Variants in KALRN observed in about 807,000 individuals in gnomAD.
The protein encoded by KALRN is kalirin RhoGEF kinase, also known as kalirin.
Under a neutral mutation model 353.7 loss-of-function variants are expected in KALRN, and 70 were observed. The observed-to-expected ratio is 0.20, with a 90% CI of 0.16 to 0.24. The LOEUF (loss-of-function observed/expected upper bound fraction) is 0.24. Among genes scored for constraint, KALRN ranks in the 10% least tolerant of loss-of-function variants. The pLI is 1.00. For synonymous variants in KALRN, 1,391 were observed against 1,434.8 expected (o/e 0.97, Z 0.69); for missense variants, 2,791 against 3,756.7 (o/e 0.74, Z 6.72).
At chr3:124,699,173 G>A (rs547958647) in intron 55 of KALRN, among the ~76,000 whole-genome samples, 1 of 152,172 alleles carries the variant, frequency 6.6e-6, no homozygotes, top group East Asian at 1.9e-4. Context: ...TCACTCTTGT[G>A]TCTCCCAGGT....
At chr3:124,590,885 A>C (rs756151076) in intron 34 of KALRN, among the ~76,000 whole-genome samples, 22 of 152,204 alleles carry the variant, frequency 1.4e-4, no homozygotes, top group Non-Finnish European at 2.8e-4. Flanking sequence ...GAGAAAATGG[A>C]GATCCAGCCT....
At chr3:124,523,635 G>A (rs2067341401) in intron 33 of KALRN, among the ~76,000 whole-genome samples, 1 of 152,218 alleles carries the variant, frequency 6.6e-6, no homozygotes, top group Non-Finnish European at 1.5e-5. Context: ...CAAAATGAGA[G>A]TAGATTTTGT....
intron 3 of KALRN, among the ~76,000 whole-genome samples, chr3:124,235,476 G>A (rs935968340): frequency 7.2e-6 from 1 of 138,686 alleles, no homozygotes; most frequent in African/African-American, 2.7e-5. Context: ...CACAAGGTGG[G>A]TGTGGGAGAC....
At chr3:124,692,882 G>A (rs935832266) in intron 51 of KALRN, among the ~76,000 whole-genome samples, 1 of 152,216 alleles carries the variant, frequency 6.6e-6, no homozygotes, top group Admixed American at 6.5e-5. Context: ...ATGCCAGGCT[G>A]TACAATCTGG....
chr3:124,365,307 G>C (rs1175752236), intron 10 of KALRN, among the ~76,000 whole-genome samples: 2 of 152,152 alleles, frequency 1.3e-5, no homozygotes, highest in Admixed American at 1.3e-4. Context: ...ACAAATCCCA[G>C]TCATGAGCAG....
intron 34 of KALRN, among the ~76,000 whole-genome samples, chr3:124,593,962 G>A (rs2076041158): frequency 1.3e-5 from 2 of 151,988 alleles, no homozygotes; most frequent in Non-Finnish European, 2.9e-5. Context: ...CAAAGTGTTG[G>A]CATTACAGGT....
At chr3:124,159,574 C>CTTT (rs10576641) in intron 1 of KALRN, among the ~76,000 whole-genome samples, 7 of 144,036 alleles carry the variant, frequency 4.9e-5, no homozygotes, top group African/African-American at 1.5e-4. Context: ...ACCTGGCTGG[C>CTTT]TTTTTTTTTT....
At chr3:124,623,389 T>TATATATAC (rs2079523433) in intron 34 of KALRN, among the ~76,000 whole-genome samples, 1 of 75,600 alleles carries the variant, frequency 1.3e-5, no homozygotes. Flanking sequence ...TATATATATA[T>TATATATAC]ATTTATTTAT....
intron 33 of KALRN, among the ~76,000 whole-genome samples, chr3:124,552,953 A>G (rs2070733924): frequency 6.6e-6 from 1 of 152,124 alleles, no homozygotes; most frequent in Non-Finnish European, 1.5e-5. Context: ...TTTGGTAGAG[A>G]CAGGGTTTCA....
intron 34 of KALRN, among the ~76,000 whole-genome samples, chr3:124,617,786 C>T (rs1434524980): frequency 2.0e-5 from 3 of 152,158 alleles, no homozygotes; most frequent in Non-Finnish European, 4.4e-5. Flanking sequence ...ATCTGGGGAC[C>T]ACAGTTTGAA....
chr3:124,048,674 G>A (rs1226519509), intron 1 of KALRN, among the ~76,000 whole-genome samples: 5 of 151,952 alleles, frequency 3.3e-5, no homozygotes, highest in Non-Finnish European at 1.5e-5. Context: ...TAGTAGAGAC[G>A]GGGTTTCACC....
chr3:124,514,959 G>C (rs1242051242), intron 33 of KALRN, among the ~76,000 whole-genome samples: 4 of 152,166 alleles, frequency 2.6e-5, no homozygotes, highest in African/African-American at 9.7e-5. Flanking sequence ...TGTTTATTCT[G>C]TCTTAGCCAT....
At chr3:124,625,892 C>T (rs2079893298) in intron 34 of KALRN, among the ~76,000 whole-genome samples, 1 of 152,100 alleles carries the variant, frequency 6.6e-6, no homozygotes. Flanking sequence ...ACCAGCCTGG[C>T]CAATGTGGTG....
At chr3:124,486,206 A>G (rs1313183043) in intron 28 of KALRN, among the ~76,000 whole-genome samples, 1 of 152,194 alleles carries the variant, frequency 6.6e-6, no homozygotes, top group African/African-American at 2.4e-5. Context: ...GGGAAAATTT[A>G]TTGGCCCAGC....
At chr3:124,121,984 G>C (rs2064081064) in intron 1 of KALRN, among the ~76,000 whole-genome samples, 1 of 152,190 alleles carries the variant, frequency 6.6e-6, no homozygotes, top group Non-Finnish European at 1.5e-5. Context: ...TCTCCCAGGT[G>C]CTCTCTGTTG....
At chr3:124,362,002 C>T (rs2149691248) in intron 10 of KALRN, among the ~76,000 whole-genome samples, 1 of 152,268 alleles carries the variant, frequency 6.6e-6, no homozygotes, top group South Asian at 2.1e-4. Flanking sequence ...TCCAGCCCCC[C>T]TGAGACCTCC....
intron 21 of KALRN, among the ~76,000 whole-genome samples, chr3:124,454,694 G>T (rs150605609): frequency 8.6e-5 from 13 of 151,578 alleles, no homozygotes; most frequent in African/African-American, 3.1e-4. Context: ...ATGGATGGTT[G>T]TGCCTGTACT....
intron 3 of KALRN, among the ~76,000 whole-genome samples, chr3:124,242,542 G>A (rs1456202787): frequency 6.6e-6 from 1 of 152,150 alleles, no homozygotes; most frequent in Non-Finnish European, 1.5e-5. Context: ...CTGAAGGATG[G>A]GCTAAGACTG....
At chr3:124,513,053 T>A (rs1378181749) in intron 33 of KALRN, among the ~76,000 whole-genome samples, 2 of 152,046 alleles carry the variant, frequency 1.3e-5, no homozygotes, top group African/African-American at 4.8e-5. Flanking sequence ...AAGAAGGCAG[T>A]CAGACAGTGA....
Sources: allele counts gnomAD v4.1 joint callset (sites outside exome capture counted in the v4.1 genomes callset), GRCh38; gene constraint gnomAD v4.1.1; transcripts MANE v1.5; gene names NCBI Gene and HGNC (gene_info 2026-07-23, HGNC 2026-07-21).